Variants in TDG observed in about 807,000 individuals in gnomAD.
TDG encodes the protein G/T mismatch-specific thymine DNA glycosylase.
TDG carries 23 observed loss-of-function variants against 46.1 expected under a neutral mutation model. That is an observed-to-expected ratio of 0.50 (90% CI 0.36 to 0.71). The LOEUF is 0.71. Ranked by LOEUF, TDG falls within the 30% of genes least tolerant of loss-of-function variation. TDG has a pLI of 0.00. For synonymous variants in TDG, 115 were observed against 161.3 expected, an observed-to-expected ratio of 0.71 and a Z score of 2.18; for missense variants, 304 against 486.7, an observed-to-expected ratio of 0.62 and a Z score of 3.53.
chr12:103,985,428 T>A (rs1872095184), intron 8 of TDG, among the ~76,000 whole-genome samples, 175 bp from the exon 9 acceptor site: 1 of 152,124 alleles, frequency 6.6e-6, no homozygotes, highest in African/African-American at 2.4e-5. Flanking sequence ...TGTAAGCGGT[T>A]TTTACAGTTC....
In TDG at chr12:103,979,042, A is replaced by G. The variant is rs911734006; in HGVS notation, c.167-789A>G. On this transcript the variant is annotated intron_variant, in intron 2 of 9. Coordinates refer to ENST00000392872, the MANE Select transcript of TDG (RefSeq NM_003211.6). ...CCTAAATTCCCCTCTTCAACTATGT[A>G]TGGAACAGAATATACACCTCATCTC... 5.3e-5 allele frequency among the ~76,000 whole-genome samples: 8 copies of G among 151,800 alleles called. 1 individual carries two copies. Among genetic ancestry groups the G allele is most frequent in the Admixed American group, 1.3e-4 (2 of 15,226 alleles).
At chr12:103,972,504 A>G (rs1227710859) in intron 1 of TDG, among the ~76,000 whole-genome samples, 8 of 152,208 alleles carry the variant, frequency 5.3e-5, no homozygotes, top group Admixed American at 5.2e-4. Flanking sequence ...AAGGAATAAG[A>G]ATGTTGTAAT....
At chr12:103,974,891 C>T (rs547747437) in intron 1 of TDG, among the ~76,000 whole-genome samples, 3 of 148,582 alleles carry the variant, frequency 2.0e-5, no homozygotes, top group South Asian at 4.2e-4. Flanking sequence ...AGGAGAATGG[C>T]GTGAACCCGG....
intron 1 of TDG, 72 bp downstream of exon 1, chr12:103,966,132 C>T: frequency 7.1e-7 from 1 of 1,413,000 alleles, no homozygotes; most frequent in Non-Finnish European, 9.3e-7. Context: ...CGCGCGCGCG[C>T]GCACGCAGGG....
chr12:103,978,711 T>C (rs1478835698), intron 2 of TDG, among the ~76,000 whole-genome samples: 4 of 152,166 alleles, frequency 2.6e-5, no homozygotes, highest in African/African-American at 7.2e-5. Flanking sequence ...GGGCTTCCTG[T>C]TGGGTAACTA....
chr12:103,981,381 A>C (rs1215586431), intron 4 of TDG, among the ~76,000 whole-genome samples: 1 of 151,630 alleles, frequency 6.6e-6, no homozygotes, highest in Non-Finnish European at 1.5e-5. Flanking sequence ...GATTACAGGC[A>C]TGTACCACCA....
At position 103,980,899 on chromosome 12, in the gene TDG, A is replaced by G. The variant is rs770801985; in HGVS notation, c.415A>G (p.Ile139Val). The G allele has an allele frequency of 1.2e-6, 2 of 1,613,606 alleles. No homozygotes were observed. The highest frequency in any genetic ancestry group is 1.1e-5 in the South Asian group (1 of 90,924). ...TAATTGTTTTGTTTTATAGATTGGC[A>G]TAAACCCGGGACTAATGGCTGCTTA... ...TFNLDIVIIG[I>V]NPGLMAAYKG... Residue 139 changes from isoleucine (I) to valine (V), a missense_variant, in exon 4 of 10, where the codon ATA becomes GTA. Ile to Val is a conservative substitution (Grantham distance 29, BLOSUM62 3). Coordinates refer to ENST00000392872, the MANE Select transcript of TDG (RefSeq NM_003211.6).
chr12:103,980,629 T>G, intron 3 of TDG: 1 of 334,274 alleles, frequency 3.0e-6, no homozygotes, highest in Non-Finnish European at 5.4e-6. Flanking sequence ...GCCCAGTTGG[T>G]GAGGGTGCGA....
In TDG at chr12:103,976,408, C is replaced by CCACACACA. The variant is rs144717913; in HGVS notation, c.24-489_24-482dup. ...GGTGACAGAGGGAGACCCTGTCTCC[C>CCACACACA]CACACACACACACACACACACACAC... is the stretch of plus-strand genomic sequence containing the variant. On this transcript the variant is annotated intron_variant, in intron 1 of 9. Transcript: ENST00000392872. 3.6e-3 allele frequency among the ~76,000 whole-genome samples: 535 copies of CCACACACA among 147,536 alleles called. 4 individuals are homozygous for CCACACACA. The highest frequency in any genetic ancestry group is 9.2e-3 in the African/African-American group (370 of 40,260).
chr12:103,981,300 A>C (rs893462892), intron 4 of TDG, among the ~76,000 whole-genome samples: 1 of 128,732 alleles, frequency 7.8e-6, no homozygotes, highest in Non-Finnish European at 1.5e-5. Context: ...CAATGGCGCG[A>C]TCTCGGCTCA....
At chr12:103,971,527 G>T (rs1489861715) in intron 1 of TDG, among the ~76,000 whole-genome samples, 1 of 152,162 alleles carries the variant, frequency 6.6e-6, no homozygotes, top group Non-Finnish European at 1.5e-5. Context: ...TTGCACTCCA[G>T]CCTGGGTGAC....
chr12:103,981,155 C>G (rs1010412695), intron 4 of TDG, among the ~76,000 whole-genome samples, 193 bp downstream of exon 4: 15 of 145,124 alleles, frequency 1.0e-4, no homozygotes, highest in Non-Finnish European at 2.0e-4. Flanking sequence ...ACATTTTAGT[C>G]TATGAGAATG....
In TDG at chr12:103,979,881, C is replaced by T; in HGVS notation, c.217C>T (p.Pro73Ser). The T allele has an allele frequency of 6.2e-7, 1 of 1,603,000 alleles. No homozygotes were observed. Among genetic ancestry groups the T allele is most frequent in the South Asian group, 1.1e-5 (1 of 88,120 alleles). ...RKPRTTEPKQ[P>S]VEPKKPVESK... ...ACCCAGAACAACAGAACCAAAACAACCAGTGGAACCCAAAAAACCTGTTGA... is the reference window on the plus strand; with the variant it reads ...ACCCAGAACAACAGAACCAAAACAATCAGTGGAACCCAAAAAACCTGTTGA... Residue 73 changes from proline (P) to serine (S), a missense_variant, in exon 3 of 10, where the codon CCA becomes TCA. Transcript: ENST00000392872.
chr12:103,978,926 A>C (rs1489335667), intron 2 of TDG, among the ~76,000 whole-genome samples: 2 of 152,038 alleles, frequency 1.3e-5, no homozygotes, highest in East Asian at 3.9e-4. Flanking sequence ...AATAGTGTGG[A>C]GGCTGAGAAA....
chr12:103,985,085 ATAAG>A (rs1566184269), intron 8 of TDG, among the ~76,000 whole-genome samples, 165 bp downstream of exon 8: 4 of 151,406 alleles, frequency 2.6e-5, no homozygotes, highest in African/African-American at 7.3e-5. Context: ...ATATATACAC[ATAAG>A]TATGTATGTC....
At chr12:103,974,337 T>C (rs2136234710) in intron 1 of TDG, among the ~76,000 whole-genome samples, 1 of 152,228 alleles carries the variant, frequency 6.6e-6, no homozygotes, top group East Asian at 1.9e-4. Flanking sequence ...GGTGCAGCAG[T>C]GTGATCATCG....
At chr12:103,977,132 T>C in intron 2 of TDG, 72 bp downstream of exon 2, 2 of 1,550,990 alleles carry the variant, frequency 1.3e-6, no homozygotes, top group Non-Finnish European at 1.7e-6. Context: ...GGTTTCATGG[T>C]GAATTTTAGC....
At position 103,982,617 on chromosome 12, in the gene TDG, T is replaced by A. The variant is rs112631912; in HGVS notation, c.479-182T>A. 2.0e-5 allele frequency among the ~76,000 whole-genome samples: 3 copies of A among 151,468 alleles called. No homozygotes were observed. The East Asian group carries it at 5.8e-4, about 29-fold the overall frequency. On this transcript the variant is annotated intron_variant, in intron 4 of 9. Transcript: ENST00000392872. ...CCCTGTCTACAAACAATACAAAAAT[T>A]AGCTGGGCGTGGTGGTGTGCATCTG...
At chr12:103,983,759 G>A (rs553377319) in intron 7 of TDG, among the ~76,000 whole-genome samples, 15 of 152,166 alleles carry the variant, frequency 9.9e-5, no homozygotes, top group Non-Finnish European at 2.1e-4. Flanking sequence ...TCCTGATTAG[G>A]AAAACCAGTT....
Sources: allele counts gnomAD v4.1 joint callset (sites outside exome capture counted in the v4.1 genomes callset), GRCh38; gene constraint gnomAD v4.1.1; transcripts MANE v1.5; gene names NCBI Gene and HGNC (gene_info 2026-07-23, HGNC 2026-07-21).